RAB28: variants seen among roughly 807,000 people sequenced by gnomAD.
RAB28 encodes ras-related protein Rab-28.
A neutral mutation model predicts 31.7 loss-of-function variants in RAB28; 24 were observed. That is an observed-to-expected ratio of 0.76 (90% CI 0.55 to 1.06). The LOEUF (loss-of-function observed/expected upper bound fraction) is 1.06, where lower values mean the gene tolerates loss of function less well. RAB28 is among the 50% of genes least tolerant of loss of function. The pLI is 0.00. For synonymous variants in RAB28, 100 were observed against 90.4 expected, an observed-to-expected ratio of 1.11 and a Z score of -0.60; for missense variants, 254 against 258.5, an observed-to-expected ratio of 0.98 and a Z score of 0.12.
chr4:13,468,753 G>GA (rs1000686263), intron 3 of RAB28, among the ~76,000 whole-genome samples: 1 of 143,076 alleles, frequency 7.0e-6, no homozygotes, highest in Non-Finnish European at 1.5e-5. Flanking sequence ...AAACAACAGA[G>GA]AAAATCAACA....
At chr4:13,472,700 AAAGAG>A (rs1365249020) in intron 3 of RAB28, among the ~76,000 whole-genome samples, 2 of 151,962 alleles carry the variant, frequency 1.3e-5, no homozygotes, top group South Asian at 2.1e-4. Flanking sequence ...TTTATGGAAC[AAAGAG>A]AAGAGTGTTA....
At chr4:13,472,984 C>A (rs1208840322) in intron 3 of RAB28, among the ~76,000 whole-genome samples, 3 of 151,788 alleles carry the variant, frequency 2.0e-5, no homozygotes, top group Non-Finnish European at 2.9e-5. Context: ...AGACTAAGAA[C>A]AATGTATAAA....
chr4:13,394,178 A>C (rs1292690531), intron 4 of RAB28, among the ~76,000 whole-genome samples: 1 of 152,188 alleles, frequency 6.6e-6, no homozygotes, highest in African/African-American at 2.4e-5. Context: ...TAGGATAGCC[A>C]TGGAAGACCT....
intron 4 of RAB28, among the ~76,000 whole-genome samples, chr4:13,448,474 A>G (rs1290751542): frequency 3.9e-5 from 6 of 152,122 alleles, no homozygotes; most frequent in Non-Finnish European, 8.8e-5. Flanking sequence ...CACAAAAACC[A>G]TAATATTGCT....
chr4:13,483,949 C>G, intron 1 of RAB28, 127 bp downstream of exon 1: 3 of 867,798 alleles, frequency 3.5e-6, no homozygotes, highest in East Asian at 2.7e-5. Flanking sequence ...GGCCACACAA[C>G]CAGAAGGGCC....
chr4:13,373,411 A>T (rs1728792077), intron 6 of RAB28, among the ~76,000 whole-genome samples: 1 of 152,124 alleles, frequency 6.6e-6, no homozygotes. Context: ...CTATTAACCA[A>T]ATTGGGAATT....
At chr4:13,372,584 A>G (rs1317151555) in intron 6 of RAB28, among the ~76,000 whole-genome samples, 1 of 152,152 alleles carries the variant, frequency 6.6e-6, no homozygotes, top group Non-Finnish European at 1.5e-5. Flanking sequence ...GCAACGTTCA[A>G]TATCTGAGGG....
intron 4 of RAB28, among the ~76,000 whole-genome samples, chr4:13,420,632 CAT>C (rs1713075756): frequency 6.6e-6 from 1 of 152,092 alleles, no homozygotes; most frequent in Admixed American, 6.6e-5. Context: ...TAATCCATCA[CAT>C]AAACAGAACC....
chr4:13,367,819 G>T lies in RAB28; in HGVS notation c.*739C>A. 1 of 984,822 alleles carries T rather than the reference G, an allele frequency of 1.0e-6. No individual in the cohort carries two copies. Among genetic ancestry groups the T allele is most frequent in the Non-Finnish European group, 1.2e-6 (1 of 829,410 alleles). The allele number at this position is 984,822 out of a possible 1,614,324, so 61.0% of individuals were successfully genotyped here. On this transcript the variant is annotated 3_prime_UTR_variant, in exon 7 of 7. Transcript: ENST00000330852. ...AACTCATTCTCGGGAGTACTCTTAT[G>T]CAGTTTGCAAGAGAAATTCCACGTG...
At chr4:13,474,511 C>T in intron 2 of RAB28, 105 bp from the exon 3 acceptor site, 1 of 642,044 alleles carries the variant, frequency 1.6e-6, no homozygotes, top group East Asian at 3.0e-5. Context: ...ATAAGAAACT[C>T]TGAGCCCAAT....
intron 4 of RAB28, among the ~76,000 whole-genome samples, chr4:13,391,352 G>A (rs1729620702): frequency 6.6e-6 from 1 of 152,158 alleles, no homozygotes; most frequent in African/African-American, 2.4e-5. Context: ...AAACCACAAT[G>A]AGATACCATC....
At chr4:13,436,417 TCA>T (rs1473526712) in intron 4 of RAB28, among the ~76,000 whole-genome samples, 4 of 152,148 alleles carry the variant, frequency 2.6e-5, no homozygotes, top group Non-Finnish European at 5.9e-5. Context: ...AGTCAAACTG[TCA>T]CTGTTCACCA....
chr4:13,436,094 A>G (rs936495507), intron 4 of RAB28, among the ~76,000 whole-genome samples: 3 of 152,204 alleles, frequency 2.0e-5, no homozygotes, highest in African/African-American at 7.2e-5. Flanking sequence ...AAAAAGAAAT[A>G]AAAACAAAAA....
chr4:13,470,374 A>C (rs1440595163), intron 3 of RAB28, among the ~76,000 whole-genome samples: 1 of 152,124 alleles, frequency 6.6e-6, no homozygotes, highest in Non-Finnish European at 1.5e-5. Context: ...ACAGTAAAAG[A>C]GAGCAGAAGG....
At chr4:13,474,935 C>A (rs890995258) in intron 2 of RAB28, among the ~76,000 whole-genome samples, 1 of 151,492 alleles carries the variant, frequency 6.6e-6, no homozygotes, top group Non-Finnish European at 1.5e-5. Flanking sequence ...CAGCTACTAT[C>A]GGATATGGCA....
chr4:13,445,045 A>C (rs1714625080), intron 4 of RAB28, among the ~76,000 whole-genome samples: 1 of 151,970 alleles, frequency 6.6e-6, no homozygotes, highest in Non-Finnish European at 1.5e-5. Context: ...CTTTATACAT[A>C]GTACCATATT....
intron 4 of RAB28, among the ~76,000 whole-genome samples, chr4:13,437,125 C>T (rs936130713): frequency 2.0e-5 from 3 of 152,074 alleles, no homozygotes; most frequent in African/African-American, 7.2e-5. Flanking sequence ...ATATCCTACT[C>T]AACAAATGGT....
At chr4:13,413,102 A>G (rs1712538667) in intron 4 of RAB28, among the ~76,000 whole-genome samples, 1 of 152,194 alleles carries the variant, frequency 6.6e-6, no homozygotes, top group Non-Finnish European at 1.5e-5. Flanking sequence ...GAACAGAAAA[A>G]AATAATTTCA....
chr4:13,418,840 T>A (rs1238438741), intron 4 of RAB28, among the ~76,000 whole-genome samples: 1 of 152,144 alleles, frequency 6.6e-6, no homozygotes, highest in African/African-American at 2.4e-5. Flanking sequence ...AGAAACTGCA[T>A]CAACTAACCG....
Sources: allele counts gnomAD v4.1 joint callset (sites outside exome capture counted in the v4.1 genomes callset), GRCh38; gene constraint gnomAD v4.1.1; transcripts MANE v1.5; gene names NCBI Gene and HGNC (gene_info 2026-07-23, HGNC 2026-07-21).